The following IGSF10 variants were observed in gnomAD, a reference collection of about 807,000 sequenced individuals.
IGSF10 encodes calvaria mechanical force protein 608.
IGSF10 carries 126 observed loss-of-function variants against 128.2 expected under a neutral mutation model. The observed-to-expected ratio is 0.98, with a 90% CI of 0.85 to 1.14. The LOEUF is 1.14. Among genes scored for constraint, IGSF10 ranks in the 50% most tolerant of loss-of-function variants. The pLI, the probability that IGSF10 is intolerant of heterozygous loss-of-function variation, is 0.00. For synonymous variants in IGSF10, 1,185 were observed against 1,146.2 expected, an observed-to-expected ratio of 1.03 and a Z score of -0.68; for missense variants, 3,295 against 3,149.8, an observed-to-expected ratio of 1.05 and a Z score of -1.10.
chr3:151,492,194 G>A, the IGSF10 span, among the ~76,000 whole-genome samples: 1 of 152,012 alleles, frequency 6.6e-6, no homozygotes, highest in East Asian at 1.9e-4. Context: ...TTTTAAATGG[G>A]CAAAATACCT....
the IGSF10 span, among the ~76,000 whole-genome samples, chr3:151,520,947 TA>T: frequency 6.5e-4 from 47 of 72,354 alleles, no homozygotes; most frequent in Non-Finnish European, 1.0e-3. Flanking sequence ...CAATCTGGAT[TA>T]AAAAAAAAGC....
the IGSF10 span, among the ~76,000 whole-genome samples, chr3:151,494,993 G>A: frequency 0.82 from 125,169 of 152,068 alleles, 51,606 homozygotes; most frequent in Middle Eastern, 0.93. Context: ...TAAATTGAGA[G>A]CCCAGACAGT....
Position 151,448,549 on chromosome 3 carries a change from C to T in IGSF10, c.1432G>A (p.Asp478Asn). 1 of 1,614,232 alleles carries T rather than the reference C, an allele frequency of 6.2e-7. No individual in the cohort carries two copies. Among genetic ancestry groups the T allele is most frequent in the Non-Finnish European group, 8.5e-7 (1 of 1,180,052 alleles). The part of the protein sequence containing the change: ...VKHKWTMISR[D>N]NNTKLEHTVL... ...GTATGTTCCAGCTTAGTATTGTTAT[C>T]CCTTGAAATCATAGTCCATTTGTGT... The change falls in exon 6 of 8, where the codon GAT (aspartate) becomes AAT (asparagine). Residue 478 changes from aspartate (D) to asparagine (N), a missense_variant. Asp to Asn is a conservative substitution (Grantham distance 23). Coordinates refer to ENST00000282466, the MANE Select transcript of IGSF10 (RefSeq NM_178822.5).
the IGSF10 span, among the ~76,000 whole-genome samples, chr3:151,560,776 G>C: frequency 6.6e-6 from 1 of 151,778 alleles, no homozygotes; most frequent in Non-Finnish European, 1.5e-5. Flanking sequence ...ATCCACACCA[G>C]TTCTTGGAAT....
At chr3:151,503,397 C>T in the IGSF10 span, among the ~76,000 whole-genome samples, 1 of 151,656 alleles carries the variant, frequency 6.6e-6, no homozygotes, top group Non-Finnish European at 1.5e-5. Flanking sequence ...GAGATATTTG[C>T]AGGAACAAGA....
chr3:151,562,529 T>C, the IGSF10 span, among the ~76,000 whole-genome samples: 1 of 152,026 alleles, frequency 6.6e-6, no homozygotes, highest in African/African-American at 2.4e-5. Flanking sequence ...CCGGTAACAG[T>C]TTTACTCTAG....
chr3:151,496,940 C>T, the IGSF10 span, among the ~76,000 whole-genome samples: 140 of 152,238 alleles, frequency 9.2e-4, no homozygotes, highest in African/African-American at 3.2e-3. Context: ...TGATGATGAG[C>T]ATTTTTTCAT....
chr3:151,581,176 C>A, the IGSF10 span, among the ~76,000 whole-genome samples: 1 of 152,042 alleles, frequency 6.6e-6, no homozygotes, highest in African/African-American at 2.4e-5. Context: ...TAGTCTGCCA[C>A]GAAATTTTTG....
the IGSF10 span, among the ~76,000 whole-genome samples, chr3:151,552,152 C>G: frequency 6.6e-6 from 1 of 152,088 alleles, no homozygotes; most frequent in Admixed American, 6.6e-5. Flanking sequence ...AGCATTTCCC[C>G]CTTTGCTCTC....
chr3:151,536,266 C>T, the IGSF10 span, among the ~76,000 whole-genome samples: 1 of 152,068 alleles, frequency 6.6e-6, no homozygotes. Context: ...ACTTGGGCTG[C>T]GTGGATGTGA....
the IGSF10 span, among the ~76,000 whole-genome samples, chr3:151,542,816 T>C: frequency 3.5e-4 from 53 of 152,356 alleles, 1 homozygote; most frequent in African/African-American, 1.1e-3. Flanking sequence ...ATTTGTTTTA[T>C]ATACTTTTGT....
At chr3:151,510,445 C>A in the IGSF10 span, among the ~76,000 whole-genome samples, 1 of 151,992 alleles carries the variant, frequency 6.6e-6, no homozygotes, top group African/African-American at 2.4e-5. Flanking sequence ...AGAAAGGACA[C>A]CCACACCAAA....
the IGSF10 span, among the ~76,000 whole-genome samples, chr3:151,521,265 T>A: frequency 6.6e-6 from 1 of 151,906 alleles, no homozygotes; most frequent in Non-Finnish European, 1.5e-5. Flanking sequence ...TCCCATACAG[T>A]AATAGTGGGA....
At position 151,438,037 on chromosome 3, in the gene IGSF10, CA is replaced by C; in HGVS notation, c.6523del (p.Trp2175GlyfsTer8). 1 of 1,614,124 alleles carries C rather than the reference CA, an allele frequency of 6.2e-7. No homozygotes were observed. The highest frequency in any genetic ancestry group is 8.5e-7 in the Non-Finnish European group (1 of 1,180,010). ...AATCATGTCATTGGAAGGCAGCAAC[CA>C]AAATATTTTTGGTTTGGGATCCCCA... The part of the protein sequence containing the change: ...VTGDPKPKIF[W>X]LLPSNDMISF... On this transcript the variant is annotated frameshift_variant, in exon 8 of 8. Transcript: ENST00000282466. LOFTEE classifies it low-confidence loss of function (END_TRUNC).
the IGSF10 span, among the ~76,000 whole-genome samples, chr3:151,502,787 A>G: frequency 6.6e-6 from 1 of 152,266 alleles, no homozygotes; most frequent in South Asian, 2.1e-4. Flanking sequence ...AATCTTCCTT[A>G]AAATCTACGA....
At chr3:151,461,164 A>G (rs1722043849), upstream of IGSF10, 2 of 985,208 alleles carry the variant, frequency 2.0e-6, no homozygotes, top group Non-Finnish European at 2.4e-6. Flanking sequence ...GCCCCTCTTT[A>G]TGTTTACGAG....
At chr3:151,495,506 A>C in the IGSF10 span, among the ~76,000 whole-genome samples, 1 of 152,182 alleles carries the variant, frequency 6.6e-6, no homozygotes, top group Non-Finnish European at 1.5e-5. Context: ...ATTCTACATT[A>C]TCCGTGACAA....
Position 151,448,535 on chromosome 3 carries a change from C to T in IGSF10, c.1446G>A (p.Lys482=), listed in dbSNP as rs1473253147. Residue 482 remains lysine, a synonymous_variant, in exon 6 of 8, where the codon AAG becomes AAA. Coordinates refer to ENST00000282466, the MANE Select transcript of IGSF10 (RefSeq NM_178822.5). ...CACCTACCAAGACAGTATGTTCCAG[C>T]TTAGTATTGTTATCCCTTGAAATCA... The part of the protein sequence containing the change: ...WTMISRDNNT[K]LEHTVLVGGT... 2 of 1,614,100 alleles carry T rather than the reference C, an allele frequency of 1.2e-6. No individual in the cohort carries two copies. The highest frequency in any genetic ancestry group is 2.7e-5 in the African/African-American group (2 of 74,938).
chr3:151,555,951 C>G, the IGSF10 span, among the ~76,000 whole-genome samples: 1 of 152,130 alleles, frequency 6.6e-6, no homozygotes, highest in Non-Finnish European at 1.5e-5. Flanking sequence ...TACACTCAAA[C>G]CTTGATATGA....
Sources: gnomAD v4.1 joint callset for allele counts (sites outside exome capture counted in the v4.1 genomes callset) on GRCh38, gnomAD v4.1.1 for gene constraint, MANE v1.5 for transcripts, NCBI Gene and HGNC (gene_info 2026-07-23, HGNC 2026-07-21) for gene names.